The following CFAP47 variants were observed in gnomAD, a reference collection of about 807,000 sequenced individuals.
The protein encoded by CFAP47 is cilia and flagella associated protein 47.
CFAP47 carries 29 observed loss-of-function variants against 148.1 expected under a neutral mutation model. The observed-to-expected ratio is 0.20, with a 90% CI of 0.15 to 0.27. The LOEUF is 0.27. Among genes scored for constraint, CFAP47 ranks in the 10% least tolerant of loss-of-function variants. The probability of loss-of-function intolerance (pLI) is 1.00; values close to 1 mark genes in which losing one functional copy is unlikely to be tolerated. For synonymous variants in CFAP47, 664 were observed against 577.3 expected (o/e 1.15, Z -2.15); for missense variants, 1,872 against 1,697.5 (o/e 1.10, Z -1.81).
In CFAP47 at chrX:36,158,962, T is replaced by C. The variant is rs749423124; in HGVS notation, c.5787-464T>C. Among the ~76,000 whole-genome samples, 5 of 112,192 alleles carry C rather than the reference T, an allele frequency of 4.5e-5. No individual in the cohort carries two copies. The South Asian group carries it at 1.9e-3, about 42-fold the overall frequency. On this transcript the variant is annotated intron_variant, in intron 37 of 63. Coordinates refer to ENST00000378653, the MANE Select transcript of CFAP47 (RefSeq NM_001304548.2). ...AGGATGAAAATATTTTCCTTATTCC[T>C]TTTTGTAATTAATTAAATGTTATTA...
chrX:36,253,596 T>C (rs969623090), intron 49 of CFAP47, among the ~76,000 whole-genome samples: 28 of 111,677 alleles, frequency 2.5e-4, no homozygotes, highest in Non-Finnish European at 2.4e-4. Flanking sequence ...TCAGATACTT[T>C]TTTAAAATTT....
At chrX:36,119,905 C>T (rs1377479040) in intron 33 of CFAP47, among the ~76,000 whole-genome samples, 1 of 110,455 alleles carries the variant, frequency 9.1e-6, no homozygotes, top group African/African-American at 3.3e-5. Context: ...GTTGTAATGT[C>T]TACTTTTTCA....
At chrX:36,305,718 C>T (rs782270596) in intron 54 of CFAP47, among the ~76,000 whole-genome samples, 1 of 111,303 alleles carries the variant, frequency 9.0e-6, no homozygotes, top group South Asian at 3.7e-4. Flanking sequence ...AACTATTTTT[C>T]CAAATTTTCT....
rs1937928205 is a variant in CFAP47, at chrX:36,079,333, C to A, written c.4691+5969C>A. Among the ~76,000 whole-genome samples the A allele has an allele frequency of 2.7e-5, 3 of 111,928 alleles. No homozygotes were observed. The South Asian group carries it at 1.1e-3, about 42-fold the overall frequency. ...TACAGCAGTCAAACATAGATTTGGTCTTTTCACATAATTCCATATTTCTTG... is the reference window on the plus strand; with the variant it reads ...TACAGCAGTCAAACATAGATTTGGTATTTTCACATAATTCCATATTTCTTG... On this transcript the variant is annotated intron_variant, in intron 29 of 63. Transcript: ENST00000378653.
Position 36,385,271 on chromosome X carries a change from A to G in CFAP47, c.*265A>G, listed in dbSNP as rs1309918160. 1 of 261,492 alleles carries G rather than the reference A, an allele frequency of 3.8e-6. No individual in the cohort carries two copies. Among genetic ancestry groups the G allele is most frequent in the Non-Finnish European group, 6.7e-6 (1 of 149,642 alleles). 21.5% of individuals were successfully genotyped at this position (261,492 alleles called of 1,213,427 possible). A position where few individuals can be genotyped will look rare whatever the true frequency, so the allele number is the denominator to read the frequency against. ...AACGAAATATAATTTAAATGACAAC[A>G]GTATTTCCAATAACAGCGTTGCTAA... On this transcript the variant is annotated 3_prime_UTR_variant, in exon 64 of 64. Transcript: ENST00000378653.
At chrX:36,017,198 T>C (rs1452561485) in intron 22 of CFAP47, among the ~76,000 whole-genome samples, 2 of 112,004 alleles carry the variant, frequency 1.8e-5, no homozygotes, top group African/African-American at 6.5e-5. Context: ...CTTCCATGTT[T>C]GTTGCAGCAC....
chrX:36,026,536 T>C (rs962717587), intron 22 of CFAP47, among the ~76,000 whole-genome samples: 1 of 111,565 alleles, frequency 9.0e-6, no homozygotes, highest in Non-Finnish European at 1.9e-5. Flanking sequence ...TTGAATGACA[T>C]TTCTATAAAC....
At chrX:36,014,227 C>T (rs1937072200) in intron 21 of CFAP47, among the ~76,000 whole-genome samples, 1 of 111,643 alleles carries the variant, frequency 9.0e-6, no homozygotes, top group African/African-American at 3.2e-5. Flanking sequence ...AGTGTCTTTT[C>T]AAATATTTCA....
intron 39 of CFAP47, among the ~76,000 whole-genome samples, chrX:36,174,923 C>T (rs1212397063): frequency 8.9e-6 from 1 of 111,906 alleles, no homozygotes; most frequent in Non-Finnish European, 1.9e-5. Context: ...TTCTCCCCGT[C>T]ACTTTCAGGT....
At position 36,249,364 on chromosome X, in the gene CFAP47, T is replaced by C. The variant is rs145307796; in HGVS notation, c.7333-1969T>C. Among the ~76,000 whole-genome samples the C allele has an allele frequency of 5.8e-3, 646 of 110,781 alleles. 7 individuals carry two copies. Among genetic ancestry groups the C allele is most frequent in the African/African-American group, 0.019 (594 of 30,674 alleles). ...AGACACCACTATCTACCTGAAGAAA[T>C]AATAATTAGAGATAAATACTAAGAA... On this transcript the variant is annotated intron_variant, in intron 48 of 63. Coordinates refer to ENST00000378653, the MANE Select transcript of CFAP47 (RefSeq NM_001304548.2).
chrX:36,346,941 A>G (rs1462929805), intron 57 of CFAP47, among the ~76,000 whole-genome samples: 4 of 112,283 alleles, frequency 3.6e-5, no homozygotes, highest in Non-Finnish European at 3.8e-5. Flanking sequence ...GACAAATGGG[A>G]TGTAATTAAA....
chrX:36,273,499 A>C (rs58941760), intron 49 of CFAP47, among the ~76,000 whole-genome samples: 2,237 of 111,057 alleles, frequency 0.02, 61 homozygotes, highest in African/African-American at 0.069. Context: ...GCTTTTAGAT[A>C]CTAGTATTAT....
chrX:36,337,388 C>T (rs73199374), intron 57 of CFAP47, among the ~76,000 whole-genome samples: 6,521 of 111,761 alleles, frequency 0.058, 163 homozygotes, highest in Middle Eastern at 0.12. Context: ...CTAATACCTG[C>T]TTAGGAGTTA....
chrX:36,341,830 A>G (rs1941656194), intron 57 of CFAP47, among the ~76,000 whole-genome samples: 1 of 110,962 alleles, frequency 9.0e-6, no homozygotes, highest in Non-Finnish European at 1.9e-5. Context: ...AAAATAATGT[A>G]TAACTCTTTT....
intron 35 of CFAP47, among the ~76,000 whole-genome samples, chrX:36,141,442 G>A (rs1298807972): frequency 9.0e-6 from 1 of 111,380 alleles, no homozygotes; most frequent in East Asian, 2.8e-4. Context: ...GTTTGTCCCA[G>A]CCCCAGCTGA....
chrX:36,035,306 A>G (rs1177025075), intron 23 of CFAP47, among the ~76,000 whole-genome samples: 3 of 111,563 alleles, frequency 2.7e-5, no homozygotes, highest in East Asian at 5.6e-4. Flanking sequence ...TACTGACGTC[A>G]ATTTCTCCCT....
chrX:36,364,835 A>G (rs1409981472), intron 61 of CFAP47, among the ~76,000 whole-genome samples: 1 of 101,790 alleles, frequency 9.8e-6, no homozygotes, highest in Non-Finnish European at 2.0e-5. Context: ...AAACGTGTGT[A>G]CATGATTCAT....
chrX:36,163,049 A>G (rs915058314), intron 39 of CFAP47, among the ~76,000 whole-genome samples: 1 of 111,834 alleles, frequency 8.9e-6, no homozygotes, highest in African/African-American at 3.2e-5. Context: ...GCTTTGTGGA[A>G]GTTTATATAA....
intron 4 of CFAP47, among the ~76,000 whole-genome samples, chrX:35,948,801 G>A (rs112676215): frequency 8.6e-5 from 8 of 93,543 alleles, no homozygotes; most frequent in South Asian, 4.1e-4. Context: ...GTGTGTGTGC[G>A]TGTGTGTGTG....
Sources: gnomAD v4.1 joint callset for allele counts (sites outside exome capture counted in the v4.1 genomes callset) on GRCh38, gnomAD v4.1.1 for gene constraint, MANE v1.5 for transcripts, NCBI Gene and HGNC (gene_info 2026-07-23, HGNC 2026-07-21) for gene names.